Variants in DHRSX observed in about 807,000 individuals in gnomAD.
The protein encoded by DHRSX is polyprenol dehydrogenase.
In DHRSX, 31 loss-of-function variants were observed where a neutral mutation model predicts 34.0. That is an observed-to-expected ratio of 0.91 (90% confidence interval 0.69 to 1.23). The LOEUF is 1.23. Ranked by LOEUF, DHRSX falls within the 50% of genes most tolerant of loss-of-function variation. DHRSX has a pLI of 0.00. For missense variants in DHRSX, 414 were observed against 428.1 expected, an observed-to-expected ratio of 0.97 and a Z score of 0.29; for synonymous variants, 201 against 183.8, an observed-to-expected ratio of 1.09 and a Z score of -0.76.
chrX:2,245,979 A>AAC (rs2016272221), intron 5 of DHRSX, among the ~76,000 whole-genome samples: 1 of 141,722 alleles, frequency 7.1e-6, no homozygotes, highest in Admixed American at 6.9e-5. Context: ...ACAAAAAAAC[A>AAC]AAAAAACACA....
chrX:2,482,358 A>C (rs775420092), intron 1 of DHRSX, among the ~76,000 whole-genome samples: 73 of 152,086 alleles, frequency 4.8e-4, no homozygotes, highest in Middle Eastern at 3.4e-3. Context: ...CAAACCCCTG[A>C]GTTCAAGTGA....
At chrX:2,331,443 T>TG (rs1569490013) in intron 3 of DHRSX, among the ~76,000 whole-genome samples, 20 of 68,936 alleles carry the variant, frequency 2.9e-4, no homozygotes, top group African/African-American at 1.1e-3. Context: ...TTGGTTTTTT[T>TG]TTTTTTTTTT....
At chrX:2,448,618 T>C (rs1463987292) in intron 1 of DHRSX, among the ~76,000 whole-genome samples, 1 of 152,322 alleles carries the variant, frequency 6.6e-6, no homozygotes, top group African/African-American at 2.4e-5. Context: ...TGATTGTTAA[T>C]ATAGTATCTA....
chrX:2,472,341 G>A (rs1380844538), intron 1 of DHRSX, among the ~76,000 whole-genome samples: 1 of 152,008 alleles, frequency 6.6e-6, no homozygotes, highest in Non-Finnish European at 1.5e-5. Context: ...TGGAGGGTGG[G>A]ACAAATGAGA....
In DHRSX at chrX:2,484,877, A is replaced by C. The variant is rs747063893; in HGVS notation, c.109+15940T>G. 3.0e-5 allele frequency among the ~76,000 whole-genome samples: 4 copies of C among 132,492 alleles called. No individual in the cohort carries two copies. The East Asian group carries it at 9.4e-4, about 31-fold the overall frequency. 86.9% of individuals were successfully genotyped at this position (132,492 alleles called of 152,430 possible). On this transcript the variant is annotated intron_variant, in intron 1 of 6. Transcript: ENST00000334651. ...TGGGCCTCCTCTGCACTCACGAGCA[A>C]ATGAACGTCACCACCGAGATTTCGG... is the stretch of plus-strand genomic sequence containing the variant.
rs1569495967 is a variant in DHRSX at position 2,385,106 on chromosome X, A to ATGTGTGTGTG, written c.286+23638_286+23639insCACACACACA. Among the ~76,000 whole-genome samples, 10 of 67,518 alleles carry ATGTGTGTGTG rather than the reference A, an allele frequency of 1.5e-4. No individual in the cohort carries two copies. In the South Asian group the frequency reaches 2.5e-3, roughly 17 times the overall value. 44.3% of individuals were successfully genotyped at this position (67,518 alleles called of 152,430 possible). On this transcript the variant is annotated intron_variant, in intron 3 of 6. Coordinates refer to ENST00000334651, the MANE Select transcript of DHRSX (RefSeq NM_145177.3). ...GACAGAGTGAGACTCCATCTCAAAT[A>ATGTGTGTGTG]TATATGTGTGTGTGTGTGTGTGTGT...
chrX:2,229,546 G>T (rs1209716995), intron 6 of DHRSX, among the ~76,000 whole-genome samples: 1 of 152,082 alleles, frequency 6.6e-6, no homozygotes, highest in Non-Finnish European at 1.5e-5. Context: ...AAATCATAGG[G>T]TGACATAATG....
chrX:2,353,468 A>G (rs1051650521), intron 3 of DHRSX, among the ~76,000 whole-genome samples: 11 of 152,282 alleles, frequency 7.2e-5, no homozygotes, highest in African/African-American at 2.2e-4. Flanking sequence ...ACAGAAGCCT[A>G]TGAAATAATT....
At chrX:2,437,688 AGAGAGAGAGAGTGTGTGTGTGTGT>A (rs1161711580) in intron 1 of DHRSX, among the ~76,000 whole-genome samples, 5 of 67,058 alleles carry the variant, frequency 7.5e-5, no homozygotes, top group East Asian at 7.6e-4. Flanking sequence ...AGAGAGAGAG[AGAGAGAGAGAGTGTGTGTGTGTGT>A]GTGTGTGTGT....
At chrX:2,409,098 T>C (rs758619266) in intron 2 of DHRSX, among the ~76,000 whole-genome samples, 1 of 152,316 alleles carries the variant, frequency 6.6e-6, no homozygotes, top group Non-Finnish European at 1.5e-5. Flanking sequence ...CTGGTGTAAT[T>C]TGCACGTGAG....
intron 3 of DHRSX, among the ~76,000 whole-genome samples, chrX:2,339,403 T>G (rs1281303482): frequency 6.6e-6 from 1 of 152,048 alleles, no homozygotes; most frequent in Non-Finnish European, 1.5e-5. Flanking sequence ...CCTCCCAAAC[T>G]GTTGGGATTA....
At chrX:2,305,195 G>C (rs890009396) in intron 3 of DHRSX, among the ~76,000 whole-genome samples, 3 of 151,976 alleles carry the variant, frequency 2.0e-5, no homozygotes, top group Non-Finnish European at 2.9e-5. Flanking sequence ...CACACACTGG[G>C]GCGTGTTGTG....
At chrX:2,374,460 C>T (rs754999420) in intron 3 of DHRSX, among the ~76,000 whole-genome samples, 68 of 150,448 alleles carry the variant, frequency 4.5e-4, no homozygotes, top group African/African-American at 1.5e-3. Context: ...GGTGAGCAGC[C>T]GGGCACAGTG....
rs781086515 is a variant in DHRSX at position 2,291,394 on chromosome X, T to G, written c.388+108A>C. 3.1e-5 allele frequency: 26 copies of G among 838,138 alleles called. No homozygotes were observed. In the East Asian group the frequency reaches 6.3e-4, roughly 20 times the overall value. The allele number at this position is 838,138 out of a possible 1,614,324, so 51.9% of individuals were successfully genotyped here. A position where few individuals can be genotyped will look rare whatever the true frequency, so the allele number is the denominator to read the frequency against. The stretch of plus-strand genomic sequence containing the variant: ...TAGAAATAGCAGGTATGTTCAATAA[T>G]TCCCATGGATATCCTGTTTTGCTGA... On this transcript the variant is annotated intron_variant, in intron 4 of 6. Transcript: ENST00000334651.
chrX:2,314,250 G>GGGAAGGAGGGAA, intron 3 of DHRSX, among the ~76,000 whole-genome samples: 1 of 54,918 alleles, frequency 1.8e-5, no homozygotes, highest in Non-Finnish European at 3.8e-5. Context: ...AAGGAAGGGA[G>GGGAAGGAGGGAA]GGAAGGAGGG....
intron 1 of DHRSX, among the ~76,000 whole-genome samples, chrX:2,495,583 C>T (rs1013041445): frequency 6.7e-6 from 1 of 150,248 alleles, no homozygotes; most frequent in African/African-American, 2.4e-5. Flanking sequence ...ACCGTCCACA[C>T]AGTAGGTGGG....
At chrX:2,360,999 A>C (rs1394290753) in intron 3 of DHRSX, among the ~76,000 whole-genome samples, 2 of 152,144 alleles carry the variant, frequency 1.3e-5, no homozygotes, top group Non-Finnish European at 2.9e-5. Context: ...TGATGATAAG[A>C]GCAATCAGTT....
At chrX:2,223,035 C>G (rs1221826630) in intron 6 of DHRSX, among the ~76,000 whole-genome samples, 1 of 152,136 alleles carries the variant, frequency 6.6e-6, no homozygotes, top group East Asian at 1.9e-4. Context: ...GAGAACTTCC[C>G]AAGTCTGGAA....
intron 1 of DHRSX, among the ~76,000 whole-genome samples, chrX:2,435,275 C>T (rs1231186912): frequency 6.6e-6 from 1 of 152,074 alleles, no homozygotes; most frequent in Non-Finnish European, 1.5e-5. Flanking sequence ...GTACAAAAAC[C>T]CACACGGATA....
Sources: gnomAD v4.1 joint callset for allele counts (sites outside exome capture counted in the v4.1 genomes callset) on GRCh38, gnomAD v4.1.1 for gene constraint, MANE v1.5 for transcripts, NCBI Gene and HGNC (gene_info 2026-07-23, HGNC 2026-07-21) for gene names.